Variants in NR2F1-AS1 observed in about 807,000 individuals in gnomAD.
NR2F1-AS1 encodes the protein NR2F1 antisense RNA 1.
chr5:93,537,426 A>C (rs983173232), intron 4 of NR2F1-AS1, among the ~76,000 whole-genome samples: 7 of 152,152 alleles, frequency 4.6e-5, no homozygotes, highest in Non-Finnish European at 1.0e-4. Context: ...ACCTCTGACA[A>C]GGGGTTAATA....
intron 4 of NR2F1-AS1, among the ~76,000 whole-genome samples, chr5:93,512,839 T>C (rs1751327759): frequency 6.6e-6 from 1 of 152,174 alleles, no homozygotes; most frequent in Non-Finnish European, 1.5e-5. Flanking sequence ...ACCATATAGC[T>C]TAGGTGTGTA....
rs555060485 is a variant in NR2F1-AS1 at position 93,561,891 on chromosome 5, C to T, written n.413+1473G>A. The stretch of plus-strand genomic sequence containing the variant: ...AAACAGACTTTGTTAGCTGAGTTTT[C>T]GAAATATGAATGTGCTTTTTGCTCA... On this transcript the variant is annotated intron_variant and non_coding_transcript_variant, in intron 2 of 5. Coordinates refer to ENST00000660523, the Ensembl canonical transcript of NR2F1-AS1. Among the ~76,000 whole-genome samples the T allele has an allele frequency of 2.6e-5, 4 of 152,114 alleles. No homozygotes were observed. The South Asian group carries it at 8.3e-4, about 32-fold the overall frequency.
intron 4 of NR2F1-AS1, among the ~76,000 whole-genome samples, chr5:93,442,372 A>T (rs2149852612): frequency 6.6e-6 from 1 of 152,306 alleles, no homozygotes; most frequent in African/African-American, 2.4e-5. Flanking sequence ...GGTCTTAGCA[A>T]ATGGCACACC....
chr5:93,417,182 T>C (rs896636968), intron 4 of NR2F1-AS1, among the ~76,000 whole-genome samples: 10 of 152,226 alleles, frequency 6.6e-5, no homozygotes, highest in African/African-American at 2.4e-4. Flanking sequence ...TTATTTATAC[T>C]ATTTATTAGC....
intron 1 of NR2F1-AS1, chr5:93,569,946 C>T (rs965152848): frequency 6.6e-6 from 1 of 152,230 alleles, no homozygotes; most frequent in African/African-American, 2.4e-5. Flanking sequence ...CCTCTGCAAG[C>T]AGTCCTCCCA....
chr5:93,533,669 T>C (rs1751778302), intron 4 of NR2F1-AS1, among the ~76,000 whole-genome samples: 1 of 152,178 alleles, frequency 6.6e-6, no homozygotes. Context: ...GCACTTTACA[T>C]CGATTAGCTG....
intron 4 of NR2F1-AS1, among the ~76,000 whole-genome samples, chr5:93,533,329 G>T (rs1237276810): frequency 6.6e-6 from 1 of 151,896 alleles, no homozygotes; most frequent in Non-Finnish European, 1.5e-5. Context: ...TTATTTTCAC[G>T]AGTTATTTTC....
At chr5:93,498,169 T>TAATA (rs1751004505) in intron 4 of NR2F1-AS1, among the ~76,000 whole-genome samples, 1 of 151,462 alleles carries the variant, frequency 6.6e-6, no homozygotes, top group African/African-American at 2.4e-5. Flanking sequence ...ACAAAAGAAA[T>TAATA]AATAAATAAA....
chr5:93,530,671 T>C (rs1751718142), intron 4 of NR2F1-AS1, among the ~76,000 whole-genome samples: 2 of 152,212 alleles, frequency 1.3e-5, no homozygotes, highest in South Asian at 2.1e-4. Flanking sequence ...GGTCTTGATT[T>C]GCTTTTTAAC....
At chr5:93,462,200 T>C (rs1019874075) in intron 4 of NR2F1-AS1, among the ~76,000 whole-genome samples, 1 of 152,176 alleles carries the variant, frequency 6.6e-6, no homozygotes, top group African/African-American at 2.4e-5. Flanking sequence ...CCACATGTCA[T>C]GGGAGGAACC....
Position 93,490,842 on chromosome 5 carries a change from G to A in NR2F1-AS1, n.638+62919C>T, listed in dbSNP as rs574362597. Among the ~76,000 whole-genome samples the A allele has an allele frequency of 5.1e-4, 76 of 150,220 alleles. 2 individuals are homozygous for A. The highest frequency in any genetic ancestry group is 3.2e-3 in the Admixed American group (49 of 15,088). ...TGGTTATGGTAGTGGTGGTGGTGGT[G>A]GTGCAGTGGTGGTGGTTGACTTGGT... On this transcript the variant is annotated intron_variant and non_coding_transcript_variant, in intron 4 of 5. Coordinates refer to ENST00000660523, the Ensembl canonical transcript of NR2F1-AS1.
chr5:93,575,513 G>T (rs184678066), intron 1 of NR2F1-AS1, among the ~76,000 whole-genome samples: 3 of 152,068 alleles, frequency 2.0e-5, no homozygotes, highest in Non-Finnish European at 4.4e-5. Context: ...ACTATTTATT[G>T]TATTTTAACC....
chr5:93,532,983 C>T (rs981770960), intron 4 of NR2F1-AS1, among the ~76,000 whole-genome samples: 5 of 152,186 alleles, frequency 3.3e-5, no homozygotes, highest in African/African-American at 1.2e-4. Flanking sequence ...CTAGATCCTG[C>T]TAAATTTATC....
At chr5:93,418,777 T>G (rs949198552) in intron 4 of NR2F1-AS1, among the ~76,000 whole-genome samples, 10 of 152,148 alleles carry the variant, frequency 6.6e-5, no homozygotes, top group Non-Finnish European at 1.2e-4. Context: ...CCAACTCTCT[T>G]GGCCACAGCA....
At chr5:93,424,532 T>G (rs1264045015) in intron 4 of NR2F1-AS1, among the ~76,000 whole-genome samples, 1 of 152,058 alleles carries the variant, frequency 6.6e-6, no homozygotes. Flanking sequence ...ACATTTCAAG[T>G]GTATCTACCT....
chr5:93,468,616 AGT>A (rs1750296428), intron 4 of NR2F1-AS1, among the ~76,000 whole-genome samples: 1 of 152,162 alleles, frequency 6.6e-6, no homozygotes, highest in Non-Finnish European at 1.5e-5. Context: ...CTCTGATGAT[AGT>A]TTATTTTGCT....
chr5:93,554,419 G>A (rs1752302675), intron 3 of NR2F1-AS1, among the ~76,000 whole-genome samples: 1 of 151,918 alleles, frequency 6.6e-6, no homozygotes. Context: ...TAATACCGAG[G>A]TTTTACAATA....
In NR2F1-AS1 at chr5:93,485,749, C is replaced by T. The variant is rs537265579; in HGVS notation, n.638+68012G>A. On this transcript the variant is annotated intron_variant and non_coding_transcript_variant, in intron 4 of 5. Coordinates refer to ENST00000660523, the Ensembl canonical transcript of NR2F1-AS1. ...AACTAGAAATACCATTTGACCCAGC[C>T]ATCCCATTACTGGGTATATACCCAA... Among the ~76,000 whole-genome samples, 27 of 152,030 alleles carry T rather than the reference C, an allele frequency of 1.8e-4. No homozygotes were observed. In the East Asian group the frequency reaches 4.8e-3, roughly 27 times the overall value.
chr5:93,467,885 C>T (rs1029094146), intron 4 of NR2F1-AS1, among the ~76,000 whole-genome samples: 5 of 152,178 alleles, frequency 3.3e-5, no homozygotes, highest in Non-Finnish European at 4.4e-5. Flanking sequence ...TCAACTCCCA[C>T]CTATGAGTGA....
Sources: allele counts gnomAD v4.1 joint callset (sites outside exome capture counted in the v4.1 genomes callset), GRCh38; gene constraint gnomAD v4.1.1; transcripts MANE v1.5; gene names NCBI Gene and HGNC (gene_info 2026-07-23, HGNC 2026-07-21).